NXPE1: variants seen among roughly 807,000 people sequenced by gnomAD.
NXPE1 encodes neurexophilin and PC-esterase domain family member 1.
In NXPE1, 31 loss-of-function variants were observed where a neutral mutation model predicts 33.3. The ratio of observed to expected loss-of-function variants is 0.93; its 90% CI spans 0.70 to 1.26. The LOEUF (loss-of-function observed/expected upper bound fraction) is 1.26. Ranked by LOEUF, NXPE1 falls within the 50% of genes most tolerant of loss-of-function variation. NXPE1 has a pLI of 0.00. For synonymous variants in NXPE1, 229 were observed against 231.4 expected (o/e 0.99, Z 0.09); for missense variants, 661 against 655.6 (o/e 1.01, Z -0.09).
chr11:114,538,084 T>C (rs1204147228), intron 5 of NXPE1, among the ~76,000 whole-genome samples: 3 of 152,262 alleles, frequency 2.0e-5, no homozygotes, highest in African/African-American at 7.2e-5. Context: ...AACAGAGATG[T>C]AGACCAATGG....
At chr11:114,542,600 CT>C (rs1027111142) in intron 5 of NXPE1, among the ~76,000 whole-genome samples, 1 of 151,992 alleles carries the variant, frequency 6.6e-6, no homozygotes, top group African/African-American at 2.4e-5. Context: ...GCAGAATTAG[CT>C]TGTCATTTGC....
intron 5 of NXPE1, among the ~76,000 whole-genome samples, chr11:114,535,622 G>A (rs893757883): frequency 1.3e-5 from 2 of 151,850 alleles, no homozygotes; most frequent in African/African-American, 4.8e-5. Context: ...AAAAATGCAG[G>A]GATTGCAATC....
exon 6 of NXPE1, chr11:114,530,287 C>A: frequency 6.2e-7 from 1 of 1,614,198 alleles, no homozygotes; most frequent in Non-Finnish European, 8.5e-7. Flanking sequence ...CAATAGAAGG[C>A]TTCTTGGTCT....
intron 1 of NXPE1, among the ~76,000 whole-genome samples, chr11:114,555,279 A>G (rs1281037618): frequency 6.6e-6 from 1 of 152,064 alleles, no homozygotes; most frequent in African/African-American, 2.4e-5. Context: ...GCTGGAGTAC[A>G]GTGGTGAGAT....
chr11:114,526,771 A>C (rs1013080981), intron 7 of NXPE1: 1 of 152,228 alleles, frequency 6.6e-6, no homozygotes, highest in Admixed American at 6.5e-5. Flanking sequence ...TACTTCTAAC[A>C]AGGAATAATT....
chr11:114,533,380 T>A (rs1028654602), intron 5 of NXPE1, among the ~76,000 whole-genome samples: 8 of 152,100 alleles, frequency 5.3e-5, no homozygotes, highest in Non-Finnish European at 1.2e-4. Flanking sequence ...GACGGGTGAT[T>A]TCTGAATTTC....
At chr11:114,530,146 T>G in intron 6 of NXPE1, 29 bp downstream of exon 6, 29 of 1,557,528 alleles carry the variant, frequency 1.9e-5, no homozygotes, top group Non-Finnish European at 2.3e-5. Flanking sequence ...CAGGGGACAC[T>G]TCTCAGTATA....
intron 2 of NXPE1, 95 bp downstream of exon 2, chr11:114,552,757 A>C (rs1409685330): frequency 5.0e-6 from 2 of 400,278 alleles, no homozygotes; most frequent in South Asian, 2.0e-4. Flanking sequence ...CATTGAAAAA[A>C]AAGTATGATT....
intron 8 of NXPE1, 69 bp from the exon 9 acceptor site, chr11:114,522,572 A>G (rs1947246642): frequency 2.3e-6 from 3 of 1,299,192 alleles, no homozygotes; most frequent in South Asian, 1.5e-5. Context: ...AGAATGTCCT[A>G]TCATTTAAAA....
At chr11:114,542,245 T>C (rs1303998741) in intron 5 of NXPE1, among the ~76,000 whole-genome samples, 1 of 152,060 alleles carries the variant, frequency 6.6e-6, no homozygotes, top group Non-Finnish European at 1.5e-5. Flanking sequence ...TTTAAGAAAA[T>C]CAAGGAAAGA....
In NXPE1 at chr11:114,533,967, G is replaced by C. The variant is rs1947690699; in HGVS notation, c.100-3059C>G. Among the ~76,000 whole-genome samples, 3 of 152,340 alleles carry C rather than the reference G, an allele frequency of 2.0e-5. No homozygotes were observed. In the South Asian group the frequency reaches 6.2e-4, roughly 32 times the overall value. Reference sequence around the variant, plus strand: ...TCTCCCAGCATGCAGCTTGAGATCTGAGAATGGGCAGACTGCCTCCTCAAG... The same window carrying C: ...TCTCCCAGCATGCAGCTTGAGATCTCAGAATGGGCAGACTGCCTCCTCAAG... On this transcript the variant is annotated intron_variant, in intron 5 of 8. Coordinates refer to ENST00000534921, the Ensembl canonical transcript of NXPE1.
chr11:114,558,032 A>G lies in NXPE1; in HGVS notation c.-211+1766T>C, dbSNP rs369328125. Among the ~76,000 whole-genome samples the G allele has an allele frequency of 1.4e-4, 22 of 151,902 alleles. No homozygotes were observed. In the East Asian group the frequency reaches 3.9e-3, roughly 27 times the overall value. ...TTCTCTCTAGAATCTAGATCTCTCA[A>G]CCCCTCACTGCCCCAGTTGCTCTCT... On this transcript the variant is annotated intron_variant, in intron 1 of 8. Coordinates refer to ENST00000534921, the Ensembl canonical transcript of NXPE1.
chr11:114,557,300 G>C (rs1338163581), intron 1 of NXPE1, among the ~76,000 whole-genome samples: 1 of 151,782 alleles, frequency 6.6e-6, no homozygotes, highest in Non-Finnish European at 1.5e-5. Context: ...CTCTATTTTG[G>C]AAATTTCAAT....
intron 5 of NXPE1, among the ~76,000 whole-genome samples, chr11:114,547,415 G>A (rs1414482118): frequency 2.0e-5 from 3 of 152,190 alleles, no homozygotes; most frequent in Admixed American, 2.0e-4. Context: ...TCAAAAACAA[G>A]GAAAGTCTAA....
In NXPE1 at chr11:114,527,904, T is replaced by TAA; in HGVS notation, c.834-4_834-3insTT. Reference sequence around the variant, plus strand: ...TCATTTCAACTCCCACTTTGGACCTTCAAAAAAAAAATAGAACAATAAATT... The same window carrying TAA: ...TCATTTCAACTCCCACTTTGGACCTTAACAAAAAAAAAATAGAACAATAAATT... On this transcript the variant is annotated splice_region_variant and splice_polypyrimidine_tract_variant and intron_variant, in intron 6 of 8. Coordinates refer to ENST00000534921, the Ensembl canonical transcript of NXPE1. 6.5e-7 allele frequency: 1 copy of TAA among 1,527,634 alleles called. No individual in the cohort carries two copies. Among genetic ancestry groups the TAA allele is most frequent in the Non-Finnish European group, 8.7e-7 (1 of 1,145,258 alleles). 94.6% of individuals were successfully genotyped at this position (1,527,634 alleles called of 1,614,324 possible).
At chr11:114,528,246 T>A (rs1328664879) in intron 6 of NXPE1, among the ~76,000 whole-genome samples, 1 of 152,210 alleles carries the variant, frequency 6.6e-6, no homozygotes, top group African/African-American at 2.4e-5. Flanking sequence ...TTTCCTTGGA[T>A]TACTGTGAGC....
chr11:114,535,843 A>G (rs1947799610), intron 5 of NXPE1, among the ~76,000 whole-genome samples: 1 of 152,218 alleles, frequency 6.6e-6, no homozygotes, highest in Admixed American at 6.5e-5. Flanking sequence ...GGAGACGTTA[A>G]CACCCCACTG....
At chr11:114,551,975 A>T (rs1591305331) in exon 3 of NXPE1, 1 of 152,348 alleles carries the variant, frequency 6.6e-6, no homozygotes, top group African/African-American at 2.4e-5. Context: ...GTCCCTTACC[A>T]AATCCTCAGT....
intron 1 of NXPE1, among the ~76,000 whole-genome samples, chr11:114,559,161 A>G (rs1245416685): frequency 6.6e-6 from 1 of 152,200 alleles, no homozygotes; most frequent in Admixed American, 6.5e-5. Context: ...CAAAGACAAA[A>G]ATTAAAAAAG....
Sources: gnomAD v4.1 joint callset for allele counts (sites outside exome capture counted in the v4.1 genomes callset) on GRCh38, gnomAD v4.1.1 for gene constraint, MANE v1.5 for transcripts, NCBI Gene and HGNC (gene_info 2026-07-23, HGNC 2026-07-21) for gene names.